The following SMARCA2 variants were observed in gnomAD, a reference collection of about 807,000 sequenced individuals.
SMARCA2 encodes SWI/SNF-related matrix-associated actin-dependent regulator of chromatin subfamily A member 2.
In SMARCA2, 61 loss-of-function variants were observed where a neutral mutation model predicts 199.8. The ratio of observed to expected loss-of-function variants is 0.31; its 90% CI spans 0.25 to 0.38. SMARCA2 has a LOEUF of 0.38. Among genes scored for constraint, SMARCA2 ranks in the 10% least tolerant of loss-of-function variants. The pLI is 1.00. For synonymous variants in SMARCA2, 935 were observed against 732.0 expected, an observed-to-expected ratio of 1.28 and a Z score of -4.48; for missense variants, 1,344 against 2,012.2, an observed-to-expected ratio of 0.67 and a Z score of 6.35.
At chr9:2,143,610 T>TA (rs1824571119) in intron 27 of SMARCA2, among the ~76,000 whole-genome samples, 1 of 152,116 alleles carries the variant, frequency 6.6e-6, no homozygotes, top group South Asian at 2.1e-4. Flanking sequence ...ATTTCAGAGG[T>TA]AAACTATATG....
intron 9 of SMARCA2, among the ~76,000 whole-genome samples, chr9:2,065,354 G>A (rs772530053): frequency 6.6e-6 from 1 of 152,116 alleles, no homozygotes; most frequent in Non-Finnish European, 1.5e-5. Context: ...ATACTAATGG[G>A]CACATACTCA....
At chr9:2,140,829 C>T (rs1259676323) in intron 27 of SMARCA2, among the ~76,000 whole-genome samples, 1 of 152,068 alleles carries the variant, frequency 6.6e-6, no homozygotes, top group East Asian at 1.9e-4. Context: ...ACACCGAGCC[C>T]CTGCCCGTTA....
intron 21 of SMARCA2, among the ~76,000 whole-genome samples, chr9:2,099,660 T>G (rs564862108): frequency 1.1e-4 from 16 of 152,282 alleles, no homozygotes; most frequent in African/African-American, 3.6e-4. Flanking sequence ...GATCCACAGT[T>G]ATTGGCAAAT....
At chr9:2,159,925 C>T (rs935183000) in intron 27 of SMARCA2, 8 of 1,603,730 alleles carry the variant, frequency 5.0e-6, no homozygotes, top group African/African-American at 1.3e-5. Context: ...TATCCTTTTT[C>T]GTTGCCGTCT....
At chr9:2,087,130 T>G in intron 18 of SMARCA2, 59 bp downstream of exon 18, 1 of 1,599,592 alleles carries the variant, frequency 6.3e-7, no homozygotes, top group Admixed American at 1.7e-5. Flanking sequence ...TGAAAGGCCC[T>G]AAAGCTGAGA....
At chr9:2,052,579 T>TAGCA (rs1168425067) in intron 5 of SMARCA2, among the ~76,000 whole-genome samples, 6 of 152,264 alleles carry the variant, frequency 3.9e-5, no homozygotes, top group Admixed American at 3.9e-4. Context: ...AACGTGCGTA[T>TAGCA]AGCAAATAAA....
intron 27 of SMARCA2, among the ~76,000 whole-genome samples, chr9:2,127,839 A>G (rs1563787313): frequency 6.6e-6 from 1 of 152,224 alleles, no homozygotes; most frequent in African/African-American, 2.4e-5. Context: ...TTTTGTAATC[A>G]TGGCATGCTA....
In SMARCA2 at chr9:2,191,376, G is replaced by T; in HGVS notation, c.4705G>T (p.Asp1569Tyr). ...AGGAAAAGCCAAACCTGTAGTGAGC[G>T]ATTTTGACAGCGATGAGGAGCAGGA... Reference protein sequence around the residue: ...NRGKAKPVVSDFDSDEEQDER... With the variant: ...NRGKAKPVVSYFDSDEEQDER... Residue 1569 changes from aspartate to tyrosine, a missense_variant, in exon 33 of 34, where the codon GAT becomes TAT. Asp to Tyr is a radical substitution (Grantham distance 160). This residue lies in a region of SMARCA2 where 155 missense variants were observed against 121.1 expected (regional missense o/e 1.28). Coordinates refer to ENST00000349721, the MANE Select transcript of SMARCA2 (RefSeq NM_003070.5). 1 of 1,614,182 alleles carries T rather than the reference G, an allele frequency of 6.2e-7. No individual in the cohort carries two copies. The highest frequency in any genetic ancestry group is 8.5e-7 in the Non-Finnish European group (1 of 1,180,012).
chr9:2,193,539 T>C lies in SMARCA2; in HGVS notation c.*800T>C, dbSNP rs1828037717. On this transcript the variant is annotated 3_prime_UTR_variant, in exon 34 of 34. Coordinates refer to ENST00000349721, the MANE Select transcript of SMARCA2 (RefSeq NM_003070.5). ...GCACAATGTCTTTGGTTGCAAGTCA[T>C]AAGCCTGAGGCAAATAAAATTCCAG... 6.5e-6 allele frequency: 1 copy of C among 152,680 alleles called. No homozygotes were observed. Among genetic ancestry groups the C allele is most frequent in the East Asian group, 1.9e-4 (1 of 5,202 alleles). The allele number at this position is 152,680 out of a possible 1,614,324, so 9.5% of individuals were successfully genotyped here.
chr9:2,190,885 C>G (rs1048044364), intron 32 of SMARCA2, among the ~76,000 whole-genome samples: 1 of 152,096 alleles, frequency 6.6e-6, no homozygotes, highest in African/African-American at 2.4e-5. Context: ...AAACTCTTTA[C>G]ATTTATTTAT....
Position 2,161,725 on chromosome 9 carries a change from G to T in SMARCA2, c.4021G>T (p.Val1341Leu). 1 of 1,614,028 alleles carries T rather than the reference G, an allele frequency of 6.2e-7. No individual in the cohort carries two copies. The highest frequency in any genetic ancestry group is 8.5e-7 in the Non-Finnish European group (1 of 1,179,960). The change falls in exon 28 of 34, where the codon GTA (valine) becomes TTA (leucine). Residue 1341 changes from valine (V) to leucine (L), a missense_variant. This residue lies in a region of SMARCA2 where 16 missense variants were observed against 29.7 expected (regional missense o/e 0.54). Transcript: ENST00000349721. This position sits in a 1 kb window ranked among gnomAD's most constrained non-coding sequence, Gnocchi z 4.7. ...CAATTTGGAGGAAATGGAAGAGGAAGTACGGCTTAAGAAGCGAAAAAGACG... is the reference window on the plus strand; with the variant it reads ...CAATTTGGAGGAAATGGAAGAGGAATTACGGCTTAAGAAGCGAAAAAGACG... ...DGNLEEMEEEVRLKKRKRRRN... is the reference protein window; with the variant it reads ...DGNLEEMEEELRLKKRKRRRN...
At chr9:2,088,878 G>A (rs1337483204) in intron 19 of SMARCA2, among the ~76,000 whole-genome samples, 1 of 94,768 alleles carries the variant, frequency 1.1e-5, no homozygotes, top group South Asian at 2.8e-4. Flanking sequence ...TTTAATTTTA[G>A]ATTTTTTTTT....
chr9:2,116,876 G>C (rs1450263382), intron 25 of SMARCA2, among the ~76,000 whole-genome samples: 1 of 152,186 alleles, frequency 6.6e-6, no homozygotes, highest in African/African-American at 2.4e-5. Context: ...TGAAGAGTAA[G>C]TCTACCTTAC....
At chr9:2,134,829 A>G (rs1563792306) in intron 27 of SMARCA2, among the ~76,000 whole-genome samples, 1 of 152,292 alleles carries the variant, frequency 6.6e-6, no homozygotes, top group East Asian at 1.9e-4. Context: ...AGGTCTTTCT[A>G]CAACAGGAGG....
chr9:2,131,631 C>T (rs1823954711), intron 27 of SMARCA2, among the ~76,000 whole-genome samples: 1 of 152,136 alleles, frequency 6.6e-6, no homozygotes, highest in Non-Finnish European at 1.5e-5. Context: ...ATCATGTCTG[C>T]TGACTACTAA....
At chr9:2,136,898 C>T (rs958526177) in intron 27 of SMARCA2, among the ~76,000 whole-genome samples, 8 of 152,064 alleles carry the variant, frequency 5.3e-5, no homozygotes, top group African/African-American at 1.7e-4. Context: ...AGTGTCATTC[C>T]TCTGGATGTT....
intron 24 of SMARCA2, among the ~76,000 whole-genome samples, chr9:2,112,183 T>C (rs1307591495): frequency 1.3e-5 from 2 of 152,168 alleles, no homozygotes; most frequent in African/African-American, 4.8e-5. Flanking sequence ...GCTGGGTATC[T>C]AAGGGGGAGG....
chr9:2,018,158 G>C (rs1009185539), intron 1 of SMARCA2: 1 of 152,260 alleles, frequency 6.6e-6, no homozygotes, highest in Non-Finnish European at 1.5e-5. Context: ...ACTAGCTCTT[G>C]CTAGGCGTTT....
chr9:2,084,216 T>C lies in SMARCA2; in HGVS notation c.2526+20T>C, dbSNP rs1029493643. The stretch of plus-strand genomic sequence containing the variant: ...GCAAAGGTATGTTTTTAAAAAATTA[T>C]TTTCTCTCTAATTAGGACCATTGCA... On this transcript the variant is annotated intron_variant, in intron 17 of 33. Transcript: ENST00000349721. 5 of 1,346,198 alleles carry C rather than the reference T, an allele frequency of 3.7e-6. No individual in the cohort carries two copies. The African/African-American group carries it at 5.7e-5, about 15-fold the overall frequency. 83.4% of individuals were successfully genotyped at this position (1,346,198 alleles called of 1,614,324 possible).
Sources: allele counts gnomAD v4.1 joint callset (sites outside exome capture counted in the v4.1 genomes callset), GRCh38; gene constraint gnomAD v4.1.1; regional missense constraint gnomAD v4.1.1; non-coding constraint Gnocchi (gnomAD v3.1); transcripts MANE v1.5; gene names NCBI Gene and HGNC (gene_info 2026-07-23, HGNC 2026-07-21).